The following WDR11 variants were observed in gnomAD, a reference collection of about 807,000 sequenced individuals.
The protein encoded by WDR11 is WD repeat domain 11.
WDR11 carries 83 observed loss-of-function variants against 151.2 expected under a neutral mutation model. The ratio of observed to expected loss-of-function variants is 0.55; its 90% CI spans 0.46 to 0.66. WDR11 has a LOEUF of 0.66. WDR11 is among the 30% of genes least tolerant of loss of function. WDR11 has a pLI of 0.00. For synonymous variants in WDR11, 484 were observed against 533.1 expected (o/e 0.91, Z 1.27); for missense variants, 1,301 against 1,480.9 (o/e 0.88, Z 1.99).
chr10:120,885,675 A>G, intron 14 of WDR11, 139 bp from the exon 15 acceptor site: 1 of 1,150,226 alleles, frequency 8.7e-7, no homozygotes, highest in South Asian at 1.3e-5. Flanking sequence ...AAGTAGGTAA[A>G]ATCTAAAGAA....
chr10:120,860,908 T>C (rs147739663), intron 4 of WDR11, among the ~76,000 whole-genome samples: 2 of 152,352 alleles, frequency 1.3e-5, no homozygotes, highest in Non-Finnish European at 2.9e-5. Flanking sequence ...GGAACCAAGA[T>C]GTCTCAGAAC....
In WDR11 at chr10:120,904,114, G is replaced by A. The variant is rs1847942924; in HGVS notation, c.2999G>A (p.Cys1000Tyr). Reference sequence around the variant, plus strand: ...TCAACTTATGATCATACAAGGAAATGTACAGACCAGCTACTGCTCTTGGGT... The same window carrying A: ...TCAACTTATGATCATACAAGGAAATATACAGACCAGCTACTGCTCTTGGGT... ...KRSTYDHTRK[C>Y]TDQLLLLGQT... Residue 1000 changes from cysteine to tyrosine, a missense_variant, in exon 24 of 29, where the codon TGT (cysteine) becomes TAT (tyrosine). Transcript: ENST00000263461. The A allele has an allele frequency of 1.2e-6, 2 of 1,613,180 alleles. No individual in the cohort carries two copies. Among genetic ancestry groups the A allele is most frequent in the Admixed American group, 1.7e-5 (1 of 59,990 alleles).
At chr10:120,899,194 G>A (rs1847720640) in intron 19 of WDR11, among the ~76,000 whole-genome samples, 1 of 152,096 alleles carries the variant, frequency 6.6e-6, no homozygotes, top group Non-Finnish European at 1.5e-5. Context: ...GGATGTGGGG[G>A]ATGCTAGGGC....
chr10:120,852,747 A>C, intron 2 of WDR11, 112 bp downstream of exon 2: 1 of 898,124 alleles, frequency 1.1e-6, no homozygotes, highest in Non-Finnish European at 1.8e-6. Flanking sequence ...GCTTTTAAAT[A>C]TAACAACCTA....
intron 11 of WDR11, among the ~76,000 whole-genome samples, chr10:120,876,069 C>A (rs995349354): frequency 8.7e-5 from 13 of 149,162 alleles, no homozygotes; most frequent in Non-Finnish European, 3.0e-5. Context: ...ACCTCTGTCT[C>A]CCGGGTTCAA....
Position 120,866,673 on chromosome 10 carries a change from A to C in WDR11, c.1099A>C (p.Asn367His). The C allele has an allele frequency of 5.0e-6, 8 of 1,614,186 alleles. No homozygotes were observed. The highest frequency in any genetic ancestry group is 6.8e-6 in the Non-Finnish European group (8 of 1,180,034). ...RPFSMVCCPVNENAAALVVSD... is the reference protein window; with the variant it reads ...RPFSMVCCPVHENAAALVVSD... ...CTTCAGTATGGTGTGCTGTCCTGTCAATGAGAATGCAGCCGCCCTCGTAGT... is the reference window on the plus strand; with the variant it reads ...CTTCAGTATGGTGTGCTGTCCTGTCCATGAGAATGCAGCCGCCCTCGTAGT... Residue 367 changes from asparagine to histidine, a missense_variant, in exon 8 of 29, where the codon AAT becomes CAT. Physicochemically the swap from Asn to His is moderately conservative, Grantham distance 68. Around this residue, in one of 3 missense-constraint regions of WDR11, gnomAD observed 692 missense variants for 762.5 expected, o/e 0.91. Transcript: ENST00000263461.
intron 14 of WDR11, among the ~76,000 whole-genome samples, chr10:120,884,366 A>T (rs1351461860): frequency 6.6e-6 from 1 of 152,208 alleles, no homozygotes; most frequent in Non-Finnish European, 1.5e-5. Flanking sequence ...CTTAATATAC[A>T]GTAAAGTAGC....
intron 7 of WDR11, 41 bp from the exon 8 acceptor site, chr10:120,866,528 A>G: frequency 9.3e-6 from 15 of 1,611,120 alleles, no homozygotes; most frequent in Non-Finnish European, 1.3e-5. Flanking sequence ...AGTGGTATCG[A>G]TATGGCTGCT....
At chr10:120,870,895 T>G (rs1249390587) in intron 9 of WDR11, among the ~76,000 whole-genome samples, 1 of 152,140 alleles carries the variant, frequency 6.6e-6, no homozygotes, top group Non-Finnish European at 1.5e-5. Context: ...CCAGGAACAT[T>G]GACTGAAACA....
rs1848194642 is a variant in WDR11, at chr10:120,909,213, T to TCTTAC, written c.*504_*508dup. On this transcript the variant is annotated 3_prime_UTR_variant, in exon 29 of 29. Transcript: ENST00000263461. ...TAGTTTACCAAAGCATTTTTTGTTT[T>TCTTAC]CTTACCTTGAAAACACAGAACCGTT... 6.3e-6 allele frequency: 1 copy of TCTTAC among 159,014 alleles called. No homozygotes were observed. The highest frequency in any genetic ancestry group is 1.8e-4 in the South Asian group (1 of 5,520). The allele number at this position is 159,014 out of a possible 1,614,324, so 9.9% of individuals were successfully genotyped here.
Position 120,902,350 on chromosome 10 carries a change from A to T in WDR11, c.2753+28A>T, listed in dbSNP as rs774241292. The T allele has an allele frequency of 5.6e-6, 9 of 1,595,402 alleles. No homozygotes were observed. In the Admixed American group the frequency reaches 1.5e-4, roughly 27 times the overall value. On this transcript the variant is annotated intron_variant, in intron 22 of 28. Coordinates refer to ENST00000263461, the MANE Select transcript of WDR11 (RefSeq NM_018117.12). ...AATATTGTTTGATGTATTCTGTATA[A>T]GAGACAGGATTTCAAGTTAACTCAT...
intron 2 of WDR11, among the ~76,000 whole-genome samples, chr10:120,854,679 A>G (rs1845889576): frequency 6.6e-6 from 1 of 152,196 alleles, no homozygotes; most frequent in African/African-American, 2.4e-5. Flanking sequence ...TCTTTTGATT[A>G]TAACCATCCT....
At chr10:120,892,340 C>T (rs1222982060) in intron 19 of WDR11, among the ~76,000 whole-genome samples, 1 of 152,104 alleles carries the variant, frequency 6.6e-6, no homozygotes, top group East Asian at 1.9e-4. Context: ...GTTACAGCCT[C>T]AGCCAGAAAG....
In WDR11 at chr10:120,894,534, T is replaced by C. The variant is rs145991479; in HGVS notation, c.2515+3647T>C. 2.6e-5 allele frequency among the ~76,000 whole-genome samples: 4 copies of C among 152,312 alleles called. No homozygotes were observed. In the East Asian group the frequency reaches 5.8e-4, roughly 22 times the overall value. Reference sequence around the variant, plus strand: ...CCTTAGCTCTCTTTTTCACCGTTCATTGAATCACACTGAACAAAATCACAA... The same window carrying C: ...CCTTAGCTCTCTTTTTCACCGTTCACTGAATCACACTGAACAAAATCACAA... On this transcript the variant is annotated intron_variant, in intron 19 of 28. Transcript: ENST00000263461.
chr10:120,896,541 A>T (rs1847622017), intron 19 of WDR11, among the ~76,000 whole-genome samples: 1 of 152,206 alleles, frequency 6.6e-6, no homozygotes, highest in Non-Finnish European at 1.5e-5. Flanking sequence ...ACACACACAC[A>T]AAAACAGTTC....
chr10:120,890,048 T>C lies in WDR11; in HGVS notation c.2343+39T>C, dbSNP rs760181646. The C allele has an allele frequency of 2.3e-5, 33 of 1,411,888 alleles. 1 individual carries two copies. The South Asian group carries it at 3.6e-4, about 16-fold the overall frequency. 87.5% of individuals were successfully genotyped at this position (1,411,888 alleles called of 1,614,324 possible). On this transcript the variant is annotated intron_variant, in intron 18 of 28. Coordinates refer to ENST00000263461, the MANE Select transcript of WDR11 (RefSeq NM_018117.12). ...ATGAGGATAAAACGTAAATAAATTG[T>C]TAGCCATAGGAACTGTGCTTTGTTA... is the stretch of plus-strand genomic sequence containing the variant.
At position 120,906,787 on chromosome 10, in the gene WDR11, T is replaced by G; in HGVS notation, c.3449T>G (p.Phe1150Cys). 1 of 1,614,158 alleles carries G rather than the reference T, an allele frequency of 6.2e-7. No individual in the cohort carries two copies. The highest frequency in any genetic ancestry group is 8.5e-7 in the Non-Finnish European group (1 of 1,180,014). Residue 1150 changes from phenylalanine (F) to cysteine (C), a missense_variant, in exon 28 of 29, where the codon TTT becomes TGT. Physicochemically the swap from Phe to Cys is radical, Grantham distance 205. This residue lies in a region of WDR11 where 589 missense variants were observed against 670.6 expected (regional missense o/e 0.88). Coordinates refer to ENST00000263461, the MANE Select transcript of WDR11 (RefSeq NM_018117.12). The stretch of plus-strand genomic sequence containing the variant: ...GTTCTGTTGAGCAGCATGAGATACT[T>G]TGATAGAGCAGCCTTATTTGTGGAA... The part of the protein sequence containing the change: ...VAETLHSMRY[F>C]DRAALFVEAC...
intron 17 of WDR11, 147 bp from the exon 18 acceptor site, chr10:120,889,748 C>A: frequency 1.5e-6 from 1 of 688,768 alleles, no homozygotes; most frequent in Non-Finnish European, 2.6e-6. Context: ...CCCTTTCTGT[C>A]AGATGTGGCC....
rs1001599557 is a variant in WDR11, at chr10:120,867,175, C to CT, written c.1294+12dup. 13 of 1,593,306 alleles carry CT rather than the reference C, an allele frequency of 8.2e-6. No homozygotes were observed. Among genetic ancestry groups the CT allele is most frequent in the African/African-American group, 4.0e-5 (3 of 74,478 alleles). On this transcript the variant is annotated splice_region_variant and intron_variant, in intron 9 of 28. Transcript: ENST00000263461. ...TTCCTTAGATAACATGATTGGTAAG[C>CT]TTTTTTCCCCTCTAACTCCATGTTA...
Sources: gnomAD v4.1 joint callset for allele counts (sites outside exome capture counted in the v4.1 genomes callset) on GRCh38, gnomAD v4.1.1 for gene constraint, gnomAD v4.1.1 regional missense constraint, MANE v1.5 for transcripts, NCBI Gene and HGNC (gene_info 2026-07-23, HGNC 2026-07-21) for gene names.